The following TFB1M variants were observed in gnomAD, a reference collection of about 807,000 sequenced individuals.
The protein encoded by TFB1M is transcription factor B1, mitochondrial, also known as dimethyladenosine transferase 1, mitochondrial.
In TFB1M, 27 loss-of-function variants were observed where a neutral mutation model predicts 31.1. The observed-to-expected ratio is 0.87, with a 90% CI of 0.64 to 1.20. The LOEUF (loss-of-function observed/expected upper bound fraction) is 1.20, where lower values mean the gene tolerates loss of function less well. Ranked by LOEUF, TFB1M falls within the 50% of genes most tolerant of loss-of-function variation. The probability of loss-of-function intolerance (pLI) is 0.00; values close to 1 mark genes in which losing one functional copy is unlikely to be tolerated. For synonymous variants in TFB1M, 166 were observed against 151.8 expected (o/e 1.09, Z -0.69); for missense variants, 394 against 418.7 (o/e 0.94, Z 0.51).
the TFB1M span, among the ~76,000 whole-genome samples, chr6:155,250,291 C>T: frequency 7.5e-6 from 1 of 133,698 alleles, no homozygotes; most frequent in African/African-American, 2.8e-5. Context: ...TTGATTTTGC[C>T]TTTTTTTTTT....
intron 2 of TFB1M, among the ~76,000 whole-genome samples, chr6:155,305,450 T>G (rs1345078084): frequency 3.4e-5 from 1 of 29,414 alleles, no homozygotes; most frequent in African/African-American, 1.7e-4. Flanking sequence ...TATATTAAAT[T>G]ATATATTTAT....
At chr6:155,258,481 TTGAA>T (rs1465816423) in intron 6 of TFB1M, among the ~76,000 whole-genome samples, 55 of 152,224 alleles carry the variant, frequency 3.6e-4, no homozygotes, top group Non-Finnish European at 1.5e-5. Flanking sequence ...TCTCTAGAAT[TTGAA>T]TGTATCAGCC....
At chr6:155,309,296 ACT>A (rs1253714633) in intron 2 of TFB1M, among the ~76,000 whole-genome samples, 1 of 152,210 alleles carries the variant, frequency 6.6e-6, no homozygotes, top group South Asian at 2.1e-4. Flanking sequence ...TGTGCTAGGC[ACT>A]GTTACGTGAG....
the TFB1M span, among the ~76,000 whole-genome samples, chr6:155,231,135 C>A: frequency 6.6e-6 from 1 of 152,200 alleles, no homozygotes; most frequent in African/African-American, 2.4e-5. Flanking sequence ...AGCCACTGCA[C>A]CCGGCCCTAC....
At chr6:155,313,022 T>A (rs1242953907) in intron 1 of TFB1M, 1 of 151,960 alleles carries the variant, frequency 6.6e-6, no homozygotes, top group Non-Finnish European at 1.5e-5. Flanking sequence ...CCGAGGCGAG[T>A]GGATCACTTG....
chr6:155,279,426 G>A (rs1450748934), intron 5 of TFB1M, among the ~76,000 whole-genome samples: 1 of 152,100 alleles, frequency 6.6e-6, no homozygotes, highest in Non-Finnish European at 1.5e-5. Context: ...CTGGGGAGGT[G>A]GTGCTTAAGA....
At chr6:155,254,942 G>A (rs1783905419), downstream of TFB1M, 1 of 172,144 alleles carries the variant, frequency 5.8e-6, no homozygotes, top group Non-Finnish European at 1.2e-5. Context: ...CTTACACAGA[G>A]GGTCTCCACC....
chr6:155,233,986 TGA>T, the TFB1M span, among the ~76,000 whole-genome samples: 93 of 121,038 alleles, frequency 7.7e-4, no homozygotes, highest in African/African-American at 2.8e-3. Flanking sequence ...AAAAACAATT[TGA>T]GAGAAAATTT....
chr6:155,273,548 A>T (rs1209567754), intron 5 of TFB1M, among the ~76,000 whole-genome samples: 1 of 152,196 alleles, frequency 6.6e-6, no homozygotes, highest in East Asian at 1.9e-4. Context: ...CATCCTCTAC[A>T]GTCCTTTTTT....
the TFB1M span, among the ~76,000 whole-genome samples, chr6:155,237,142 G>C: frequency 5.8e-3 from 877 of 152,338 alleles, 9 homozygotes; most frequent in African/African-American, 0.02. Flanking sequence ...GGTAAATACA[G>C]CCATTCCAAA....
chr6:155,291,063 A>G (rs1776900473), intron 4 of TFB1M, among the ~76,000 whole-genome samples: 1 of 152,130 alleles, frequency 6.6e-6, no homozygotes, highest in African/African-American at 2.4e-5. Flanking sequence ...AAATGATTCA[A>G]TCTGAGGAGG....
intron 2 of TFB1M, 34 bp from the exon 3 acceptor site, chr6:155,298,619 T>C (rs1777290599): frequency 2.9e-6 from 4 of 1,384,440 alleles, no homozygotes; most frequent in Non-Finnish European, 4.1e-6. Context: ...AATGAGCTCA[T>C]ATACTTATGC....
At chr6:155,260,550 G>A in intron 5 of TFB1M, 150 bp from the exon 6 acceptor site, 1 of 966,920 alleles carries the variant, frequency 1.0e-6, no homozygotes. Flanking sequence ...TCATCTCTAG[G>A]CATGGAAGAT....
chr6:155,238,856 C>T, the TFB1M span, among the ~76,000 whole-genome samples: 2 of 152,292 alleles, frequency 1.3e-5, no homozygotes, highest in African/African-American at 4.8e-5. Context: ...GAAAAGCAGG[C>T]CCTCAATTGA....
At chr6:155,243,899 T>C in the TFB1M span, 12 of 563,172 alleles carry the variant, frequency 2.1e-5, no homozygotes, top group Admixed American at 1.4e-4. Context: ...AGGCATAAAC[T>C]TCATTATCCT....
intron 5 of TFB1M, among the ~76,000 whole-genome samples, chr6:155,265,785 A>AAT (rs996703375): frequency 6.8e-6 from 1 of 146,602 alleles, no homozygotes. Flanking sequence ...GTAAATATTA[A>AAT]ATATATATAT....
the TFB1M span, among the ~76,000 whole-genome samples, chr6:155,238,969 G>C: frequency 2.0e-5 from 3 of 152,150 alleles, no homozygotes; most frequent in South Asian, 6.2e-4. Flanking sequence ...GTGGGGGTTG[G>C]GGCATAGAAC....
At position 155,310,928 on chromosome 6, in the gene TFB1M, CAATT is replaced by C. The variant is rs1777989451; in HGVS notation, c.285+256_285+259del. ...ACTTAAAAAAAAAAATCACACAAAACAATTAATTTGTTTAGCATAAATGCTTAAA... is the reference window on the plus strand; with the variant it reads ...ACTTAAAAAAAAAAATCACACAAAACAATTTGTTTAGCATAAATGCTTAAA... On this transcript the variant is annotated intron_variant, in intron 2 of 6. Coordinates refer to ENST00000367166, the MANE Select transcript of TFB1M (RefSeq NM_016020.4). 3.9e-5 allele frequency: 17 copies of C among 440,000 alleles called. No individual in the cohort carries two copies. The South Asian group carries it at 4.2e-4, about 11-fold the overall frequency. The allele number at this position is 440,000 out of a possible 1,614,324, so 27.3% of individuals were successfully genotyped here.
intron 4 of TFB1M, among the ~76,000 whole-genome samples, chr6:155,286,607 GTATA>G (rs1437168487): frequency 2.1e-4 from 29 of 139,590 alleles, no homozygotes; most frequent in African/African-American, 8.3e-4. Flanking sequence ...ATATATGTGT[GTATA>G]TATATGTGTA....
Sources: gnomAD v4.1 joint callset for allele counts (sites outside exome capture counted in the v4.1 genomes callset) on GRCh38, gnomAD v4.1.1 for gene constraint, MANE v1.5 for transcripts, NCBI Gene and HGNC (gene_info 2026-07-23, HGNC 2026-07-21) for gene names.